Variants in INVS observed in about 807,000 individuals in gnomAD.
The protein encoded by INVS is inversin, also known as inversion of embryo turning homolog.
INVS carries 86 observed loss-of-function variants against 108.8 expected under a neutral mutation model. That is an observed-to-expected ratio of 0.79 (90% CI 0.66 to 0.95). INVS has a LOEUF of 0.95. Ranked by LOEUF, INVS falls within the 40% of genes least tolerant of loss-of-function variation. The probability of loss-of-function intolerance (pLI) is 0.00; values close to 1 mark genes in which losing one functional copy is unlikely to be tolerated. For missense variants in INVS, 1,169 were observed against 1,297.4 expected (o/e 0.90, Z 1.52); for synonymous variants, 455 against 473.5 (o/e 0.96, Z 0.51).
intron 3 of INVS, among the ~76,000 whole-genome samples, chr9:100,143,225 G>A (rs964794859): frequency 2.6e-5 from 4 of 152,094 alleles, no homozygotes; most frequent in Non-Finnish European, 5.9e-5. Flanking sequence ...ATTGAGGATA[G>A]GAGAGTATAT....
At chr9:100,100,238 A>G (rs540941656) in intron 1 of INVS, among the ~76,000 whole-genome samples, 20 of 150,898 alleles carry the variant, frequency 1.3e-4, no homozygotes, top group African/African-American at 4.6e-4. Context: ...TTTTCTTAAG[A>G]AAAAAAAAGA....
At chr9:100,099,970 A>G (rs1826768171) in intron 1 of INVS, among the ~76,000 whole-genome samples, 1 of 152,148 alleles carries the variant, frequency 6.6e-6, no homozygotes, top group African/African-American at 2.4e-5. Flanking sequence ...CTGGAATGCT[A>G]TCTTAAATGT....
chr9:100,175,803 A>G, intron 3 of INVS: 1 of 667,318 alleles, frequency 1.5e-6, no homozygotes, highest in Non-Finnish European at 2.8e-6. Flanking sequence ...CCATTCCTGA[A>G]CACTCAGACC....
chr9:100,219,881 GATAT>G (rs61219577), intron 3 of INVS, among the ~76,000 whole-genome samples: 2 of 147,968 alleles, frequency 1.4e-5, no homozygotes, highest in Non-Finnish European at 1.5e-5. Flanking sequence ...GTCGTTTATG[GATAT>G]ATATATATAT....
At chr9:100,224,995 C>A (rs1831266675) in intron 3 of INVS, among the ~76,000 whole-genome samples, 1 of 151,870 alleles carries the variant, frequency 6.6e-6, no homozygotes. Context: ...AGTGGGTGGG[C>A]CTACCATGAC....
At chr9:100,114,470 T>C (rs1827448385) in intron 2 of INVS, among the ~76,000 whole-genome samples, 1 of 131,546 alleles carries the variant, frequency 7.6e-6, no homozygotes, top group Non-Finnish European at 1.5e-5. Context: ...GGTACAATCA[T>C]GACTCACTGC....
At chr9:100,204,334 T>G (rs760943196) in intron 3 of INVS, among the ~76,000 whole-genome samples, 2 of 152,184 alleles carry the variant, frequency 1.3e-5, no homozygotes, top group Non-Finnish European at 2.9e-5. Flanking sequence ...GATAAAAACA[T>G]TTTATAATTG....
intron 14 of INVS, among the ~76,000 whole-genome samples, chr9:100,296,237 AGT>A (rs1833787905): frequency 6.6e-6 from 1 of 152,200 alleles, no homozygotes; most frequent in South Asian, 2.1e-4. Context: ...GCCTCAAAAT[AGT>A]TGTTGTGCTC....
At chr9:100,246,531 G>A (rs1832053594) in intron 7 of INVS, 85 bp from the exon 8 acceptor site, 1 of 926,144 alleles carries the variant, frequency 1.1e-6, no homozygotes, top group Admixed American at 2.3e-5. Flanking sequence ...GCTTCTTAAT[G>A]GAATTCACAT....
chr9:100,225,027 AC>A (rs1831267835), intron 3 of INVS, among the ~76,000 whole-genome samples: 1 of 150,418 alleles, frequency 6.6e-6, no homozygotes, highest in Non-Finnish European at 1.5e-5. Context: ...CATTTAGGTG[AC>A]CGTTTGAGTC....
chr9:100,113,812 A>G (rs1017768192), intron 2 of INVS, among the ~76,000 whole-genome samples: 3 of 152,190 alleles, frequency 2.0e-5, no homozygotes, highest in Non-Finnish European at 4.4e-5. Context: ...GTGCAATAGA[A>G]CACCAAAACT....
intron 13 of INVS, among the ~76,000 whole-genome samples, chr9:100,289,995 G>A (rs143775446): frequency 1.2e-3 from 179 of 152,204 alleles, no homozygotes; most frequent in African/African-American, 4.1e-3. Flanking sequence ...ATGAATGAAA[G>A]TTCTTATTGC....
intron 5 of INVS, 140 bp downstream of exon 5, chr9:100,229,967 C>A: frequency 1.3e-6 from 1 of 783,306 alleles, no homozygotes; most frequent in Non-Finnish European, 2.1e-6. Context: ...GACTCATCCC[C>A]CAAGAAGTAG....
At chr9:100,137,245 T>C (rs532764270) in intron 3 of INVS, among the ~76,000 whole-genome samples, 2 of 152,260 alleles carry the variant, frequency 1.3e-5, no homozygotes, top group Admixed American at 1.3e-4. Flanking sequence ...TAGAGGGAGA[T>C]GTTTTGTCCC....
rs553913914 is a variant in INVS at position 100,114,802 on chromosome 9, C to A, written c.106+10175C>A. Among the ~76,000 whole-genome samples, 11 of 152,252 alleles carry A rather than the reference C, an allele frequency of 7.2e-5. No individual in the cohort carries two copies. The South Asian group carries it at 2.3e-3, about 32-fold the overall frequency. ...TCCTTTTTATTAGTGAGCTATATTC[C>A]ATTTTATGGATGTACTGCAGATTAT... is the stretch of plus-strand genomic sequence containing the variant. On this transcript the variant is annotated intron_variant, in intron 2 of 16. Coordinates refer to ENST00000262457, the MANE Select transcript of INVS (RefSeq NM_014425.5).
At chr9:100,114,654 C>A (rs1375027036) in intron 2 of INVS, among the ~76,000 whole-genome samples, 1 of 152,128 alleles carries the variant, frequency 6.6e-6, no homozygotes, top group Non-Finnish European at 1.5e-5. Context: ...ATCTTCCCCC[C>A]ATCAGCCTCC....
chr9:100,221,113 CA>C (rs1360599655), intron 3 of INVS, among the ~76,000 whole-genome samples: 2 of 152,218 alleles, frequency 1.3e-5, no homozygotes, highest in Admixed American at 6.5e-5. Context: ...GAAGGTTTTA[CA>C]GGAAGCAAAG....
intron 10 of INVS, among the ~76,000 whole-genome samples, chr9:100,253,429 T>A (rs1832309385): frequency 6.6e-6 from 1 of 152,094 alleles, no homozygotes; most frequent in Non-Finnish European, 1.5e-5. Context: ...TTTTTTTTAA[T>A]TATACTTTAA....
intron 3 of INVS, among the ~76,000 whole-genome samples, chr9:100,139,735 T>G (rs185613397): frequency 1.7e-4 from 26 of 152,286 alleles, no homozygotes; most frequent in Non-Finnish European, 2.9e-4. Context: ...TTCAACCTCC[T>G]GGATTCAAGT....
Sources: gnomAD v4.1 joint callset for allele counts (sites outside exome capture counted in the v4.1 genomes callset) on GRCh38, gnomAD v4.1.1 for gene constraint, MANE v1.5 for transcripts, NCBI Gene and HGNC (gene_info 2026-07-23, HGNC 2026-07-21) for gene names.